Variants in SLC26A8 observed in about 807,000 individuals in gnomAD.
SLC26A8 encodes the protein solute carrier family 26 member 8.
SLC26A8 carries 70 observed loss-of-function variants against 105.0 expected under a neutral mutation model. The observed-to-expected ratio is 0.67, with a 90% CI of 0.55 to 0.81. The LOEUF (loss-of-function observed/expected upper bound fraction) is 0.81. Among genes scored for constraint, SLC26A8 ranks in the 40% least tolerant of loss-of-function variants. The pLI, the probability that SLC26A8 is intolerant of heterozygous loss-of-function variation, is 0.00. For synonymous variants in SLC26A8, 415 were observed against 438.3 expected, an observed-to-expected ratio of 0.95 and a Z score of 0.66; for missense variants, 998 against 1,181.8, an observed-to-expected ratio of 0.84 and a Z score of 2.28.
chr6:35,972,288 T>G (rs959997190), intron 10 of SLC26A8, among the ~76,000 whole-genome samples: 2 of 151,688 alleles, frequency 1.3e-5, no homozygotes. Context: ...CCCCAGCGGG[T>G]TGGCGCACGG....
chr6:35,971,351 G>A (rs2127315149), intron 10 of SLC26A8, among the ~76,000 whole-genome samples: 1 of 149,072 alleles, frequency 6.7e-6, no homozygotes, highest in South Asian at 2.1e-4. Flanking sequence ...CACTTTTCCA[G>A]GCTTTCTTGA....
At chr6:35,976,937 A>C (rs927367957) in intron 9 of SLC26A8, among the ~76,000 whole-genome samples, 4 of 152,124 alleles carry the variant, frequency 2.6e-5, no homozygotes, top group African/African-American at 9.7e-5. Context: ...TAAAATTAAG[A>C]AAAGTGAAAC....
chr6:35,999,051 C>T (rs535911791), intron 4 of SLC26A8, among the ~76,000 whole-genome samples: 13 of 152,148 alleles, frequency 8.5e-5, no homozygotes, highest in African/African-American at 1.7e-4. Context: ...CCCGCCACCA[C>T]GCCTAACTAA....
At chr6:36,015,509 A>G (rs189985909) in intron 2 of SLC26A8, among the ~76,000 whole-genome samples, 10 of 152,334 alleles carry the variant, frequency 6.6e-5, no homozygotes, top group East Asian at 3.9e-4. Context: ...AACAGTTGCT[A>G]GAAAGCTTAT....
intron 7 of SLC26A8, among the ~76,000 whole-genome samples, chr6:35,985,846 C>A (rs895990901): frequency 1.3e-5 from 2 of 151,578 alleles, no homozygotes; most frequent in Non-Finnish European, 2.9e-5. Context: ...ACTCCATATA[C>A]ACATTGTTTC....
chr6:35,968,800 C>CCCCCT, intron 11 of SLC26A8, 77 bp downstream of exon 11: 2 of 413,746 alleles, frequency 4.8e-6, no homozygotes. Context: ...AGCCCCTTAC[C>CCCCCT]CCCCGCACAC....
intron 10 of SLC26A8, among the ~76,000 whole-genome samples, chr6:35,970,235 TA>T (rs1392654105): frequency 1.3e-5 from 2 of 152,158 alleles, no homozygotes; most frequent in Non-Finnish European, 2.9e-5. Context: ...ATTTTTTACG[TA>T]GGGGGGGAAA....
At chr6:35,989,890 T>C (rs1773682037) in intron 7 of SLC26A8, 1 of 98,336 alleles carries the variant, frequency 1.0e-5, no homozygotes, top group Non-Finnish European at 2.4e-5. Flanking sequence ...TTGAGTTTTG[T>C]TCTGTTTTTT....
chr6:35,970,729 T>C (rs1772760985), intron 10 of SLC26A8, among the ~76,000 whole-genome samples: 1 of 152,114 alleles, frequency 6.6e-6, no homozygotes, highest in Non-Finnish European at 1.5e-5. Context: ...AAATAAGTTG[T>C]ATAAAACTAG....
chr6:35,991,387 G>C (rs946172869), intron 7 of SLC26A8, among the ~76,000 whole-genome samples: 2 of 127,758 alleles, frequency 1.6e-5, no homozygotes, highest in Non-Finnish European at 3.2e-5. Context: ...CTGGGCAGCA[G>C]AGCAAGACTC....
At chr6:35,998,709 A>G (rs1190358905) in intron 4 of SLC26A8, among the ~76,000 whole-genome samples, 1 of 152,152 alleles carries the variant, frequency 6.6e-6, no homozygotes, top group African/African-American at 2.4e-5. Context: ...GCAAAGATAT[A>G]TCTTAACTTT....
chr6:35,964,175 C>T (rs1026814826), intron 11 of SLC26A8, among the ~76,000 whole-genome samples: 7 of 152,158 alleles, frequency 4.6e-5, no homozygotes, highest in African/African-American at 1.7e-4. Flanking sequence ...TGCCACTGCA[C>T]TCCAGCCCAG....
At chr6:35,968,614 T>TATAG in intron 11 of SLC26A8, among the ~76,000 whole-genome samples, 1 of 44,992 alleles carries the variant, frequency 2.2e-5, no homozygotes, top group Non-Finnish European at 3.6e-5. Flanking sequence ...TGTGTGTATA[T>TATAG]ATATATATAT....
At chr6:35,991,220 G>A (rs1761141195) in intron 7 of SLC26A8, among the ~76,000 whole-genome samples, 1 of 143,818 alleles carries the variant, frequency 7.0e-6, no homozygotes, top group African/African-American at 2.5e-5. Context: ...GGCCAACATG[G>A]TGAAACCCTG....
intron 7 of SLC26A8, among the ~76,000 whole-genome samples, chr6:35,984,557 C>T (rs189239721): frequency 1.3e-3 from 200 of 152,136 alleles, no homozygotes; most frequent in Non-Finnish European, 2.3e-3. Flanking sequence ...CTCCTGACCT[C>T]GAGCAATCCA....
chr6:35,960,119 C>T (rs969733407), intron 14 of SLC26A8: 3 of 212,036 alleles, frequency 1.4e-5, no homozygotes, highest in Non-Finnish European at 1.9e-5. Flanking sequence ...ATGTTGGCCA[C>T]GCTGGTCTCA....
At chr6:36,015,705 C>A (rs1761976354) in intron 2 of SLC26A8, among the ~76,000 whole-genome samples, 1 of 152,018 alleles carries the variant, frequency 6.6e-6, no homozygotes, top group African/African-American at 2.4e-5. Context: ...GGCACATGTC[C>A]CCCGATCCAT....
chr6:36,001,126 T>C (rs562383759), intron 3 of SLC26A8, among the ~76,000 whole-genome samples: 2 of 152,222 alleles, frequency 1.3e-5, no homozygotes, highest in South Asian at 4.1e-4. Context: ...GGCCAGTTGG[T>C]ATTCTTTTTC....
At chr6:35,970,476 G>A (rs1013088024) in intron 10 of SLC26A8, among the ~76,000 whole-genome samples, 1 of 152,154 alleles carries the variant, frequency 6.6e-6, no homozygotes, top group Admixed American at 6.5e-5. Flanking sequence ...AAGCTCTGAT[G>A]GCAAACATTT....
Sources: gnomAD v4.1 joint callset for allele counts (sites outside exome capture counted in the v4.1 genomes callset) on GRCh38, gnomAD v4.1.1 for gene constraint, MANE v1.5 for transcripts, NCBI Gene and HGNC (gene_info 2026-07-23, HGNC 2026-07-21) for gene names.